STRN3: variants seen among roughly 807,000 people sequenced by gnomAD.
STRN3 encodes striatin-3.
A neutral mutation model predicts 95.6 loss-of-function variants in STRN3; 29 were observed. The ratio of observed to expected loss-of-function variants is 0.30; its 90% CI spans 0.23 to 0.41. The LOEUF is 0.41. STRN3 is among the 10% of genes least tolerant of loss of function. The probability of loss-of-function intolerance (pLI) is 1.00; values close to 1 mark genes in which losing one functional copy is unlikely to be tolerated. For missense variants in STRN3, 890 were observed against 972.1 expected, an observed-to-expected ratio of 0.92 and a Z score of 1.12; for synonymous variants, 331 against 357.6, an observed-to-expected ratio of 0.93 and a Z score of 0.84.
chr14:30,990,305 G>C (rs1881893253), intron 1 of STRN3, among the ~76,000 whole-genome samples: 1 of 151,532 alleles, frequency 6.6e-6, no homozygotes, highest in Non-Finnish European at 1.5e-5. Context: ...TGGGACTATA[G>C]GTGCCCGCCA....
chr14:30,951,455 C>T (rs1435468852), intron 3 of STRN3, among the ~76,000 whole-genome samples: 1 of 152,126 alleles, frequency 6.6e-6, no homozygotes, highest in Non-Finnish European at 1.5e-5. Context: ...TGGTCTCAAA[C>T]TCCTAGGCTC....
chr14:31,000,628 G>T (rs1360702516), intron 1 of STRN3, among the ~76,000 whole-genome samples: 1 of 152,028 alleles, frequency 6.6e-6, no homozygotes, highest in African/African-American at 2.4e-5. Flanking sequence ...CGGTAGTGAG[G>T]TTATCTTCCC....
chr14:31,014,667 C>G (rs1190552705), intron 1 of STRN3: 6 of 456,486 alleles, frequency 1.3e-5, no homozygotes, highest in Non-Finnish European at 2.2e-5. Flanking sequence ...AATGCTATCT[C>G]AAGGTAATAC....
At chr14:30,938,928 T>A (rs949338990) in intron 5 of STRN3, among the ~76,000 whole-genome samples, 2 of 152,074 alleles carry the variant, frequency 1.3e-5, no homozygotes, top group Non-Finnish European at 2.9e-5. Context: ...AGGTCTCAGG[T>A]TTTTCCCTGC....
At chr14:30,905,220 A>G (rs988909646) in intron 15 of STRN3, among the ~76,000 whole-genome samples, 198 bp downstream of exon 15, 21 of 152,270 alleles carry the variant, frequency 1.4e-4, no homozygotes, top group East Asian at 1.3e-3. Flanking sequence ...CTCTTTTCCC[A>G]TATGTCCACC....
chr14:30,976,342 A>G (rs948132970), intron 1 of STRN3, among the ~76,000 whole-genome samples: 5 of 152,228 alleles, frequency 3.3e-5, no homozygotes, highest in African/African-American at 1.2e-4. Flanking sequence ...ATAATGAAAG[A>G]GGTCAATTCT....
At chr14:31,009,546 C>T (rs1184749052) in intron 1 of STRN3, among the ~76,000 whole-genome samples, 2 of 150,638 alleles carry the variant, frequency 1.3e-5, no homozygotes, top group East Asian at 3.9e-4. Flanking sequence ...AAGACATGCA[C>T]CCAAAAATAT....
intron 1 of STRN3, among the ~76,000 whole-genome samples, chr14:30,984,971 A>G (rs1250797858): frequency 6.6e-6 from 1 of 152,146 alleles, no homozygotes. Flanking sequence ...AAGTATCCTA[A>G]GCTTTAAAAA....
chr14:30,934,962 AGCC>A lies in STRN3; in HGVS notation c.988+198_988+200del, dbSNP rs1327842679. Among the ~76,000 whole-genome samples, 3 of 152,194 alleles carry A rather than the reference AGCC, an allele frequency of 2.0e-5. No individual in the cohort carries two copies. In the East Asian group the frequency reaches 5.8e-4, roughly 29 times the overall value. On this transcript the variant is annotated intron_variant, in intron 7 of 17. Coordinates refer to ENST00000357479, the MANE Select transcript of STRN3 (RefSeq NM_001083893.2). The stretch of plus-strand genomic sequence containing the variant: ...ATTCCAAAAATCAAAATCCACCAAA[AGCC>A]ATATATATTAAATAGTTTAGTCACC...
At chr14:30,991,238 G>A (rs966374301) in intron 1 of STRN3, among the ~76,000 whole-genome samples, 1 of 152,114 alleles carries the variant, frequency 6.6e-6, no homozygotes, top group Non-Finnish European at 1.5e-5. Context: ...TAGATTTGAA[G>A]TTACCTGAAT....
intron 7 of STRN3, among the ~76,000 whole-genome samples, chr14:30,930,136 G>C (rs989873001): frequency 4.0e-5 from 6 of 151,830 alleles, no homozygotes; most frequent in Non-Finnish European, 8.8e-5. Flanking sequence ...CTAAATACTT[G>C]TGACTGAGAA....
At chr14:30,989,698 T>G (rs1409832532) in intron 1 of STRN3, among the ~76,000 whole-genome samples, 1 of 152,118 alleles carries the variant, frequency 6.6e-6, no homozygotes, top group East Asian at 1.9e-4. Context: ...GACCTCGTGA[T>G]CCATCCGCCT....
intron 9 of STRN3, 43 bp from the exon 10 acceptor site, chr14:30,913,700 C>G: frequency 6.3e-7 from 1 of 1,584,622 alleles, no homozygotes. Context: ...AAAAATCATA[C>G]AGTACAAGAC....
chr14:30,990,450 G>C (rs945512626), intron 1 of STRN3, among the ~76,000 whole-genome samples: 1 of 151,998 alleles, frequency 6.6e-6, no homozygotes, highest in African/African-American at 2.4e-5. Context: ...TTACAGGCCT[G>C]AGCCACCGCG....
At chr14:31,010,870 C>T (rs1882939211) in intron 1 of STRN3, among the ~76,000 whole-genome samples, 1 of 152,142 alleles carries the variant, frequency 6.6e-6, no homozygotes, top group South Asian at 2.1e-4. Context: ...GAAACCTTGT[C>T]TTTCCTAAAA....
rs993397421 is a variant in STRN3, at chr14:30,937,603, G to A, written c.717-979C>T. ...GTTTAAGTGTCTAACAATAAAGGCAGCAACAAAACAGTAGAAAATTCAGCT... is the reference window on the plus strand; with the variant it reads ...GTTTAAGTGTCTAACAATAAAGGCAACAACAAAACAGTAGAAAATTCAGCT... On this transcript the variant is annotated intron_variant, in intron 5 of 17. Transcript: ENST00000357479. Among the ~76,000 whole-genome samples, 6 of 152,222 alleles carry A rather than the reference G, an allele frequency of 3.9e-5. No homozygotes were observed. The East Asian group carries it at 1.2e-3, about 29-fold the overall frequency.
At chr14:30,942,641 C>T (rs1879148803) in intron 5 of STRN3, among the ~76,000 whole-genome samples, 1 of 152,156 alleles carries the variant, frequency 6.6e-6, no homozygotes, top group Non-Finnish European at 1.5e-5. Context: ...GTTATAAGAT[C>T]TAAGAGAACT....
chr14:30,979,059 A>T (rs1252297296), intron 1 of STRN3, among the ~76,000 whole-genome samples: 1 of 139,878 alleles, frequency 7.1e-6, no homozygotes, highest in Admixed American at 7.2e-5. Flanking sequence ...AAAAAAAAAA[A>T]AGGCAATTAC....
At chr14:30,924,244 CA>C (rs71112353) in intron 8 of STRN3, among the ~76,000 whole-genome samples, 115,546 of 116,118 alleles carry the variant, frequency 1, 57,491 homozygotes, top group Middle Eastern at 1. Context: ...CAAAAAACAA[CA>C]AAAAAAAAAC....
Sources: allele counts gnomAD v4.1 joint callset (sites outside exome capture counted in the v4.1 genomes callset), GRCh38; gene constraint gnomAD v4.1.1; transcripts MANE v1.5; gene names NCBI Gene and HGNC (gene_info 2026-07-23, HGNC 2026-07-21).